SLC3A1: variants seen among roughly 807,000 people sequenced by gnomAD.
The protein encoded by SLC3A1 is solute carrier family 3 member 1.
Under a neutral mutation model 60.3 loss-of-function variants are expected in SLC3A1, and 78 were observed. The ratio of observed to expected loss-of-function variants is 1.29; its 90% CI spans 1.08 to 1.56. The LOEUF (loss-of-function observed/expected upper bound fraction) is 1.56, where lower values mean the gene tolerates loss of function less well. SLC3A1 is among the 40% of genes most tolerant of loss of function. The probability of loss-of-function intolerance (pLI) is 0.00; values close to 1 mark genes in which losing one functional copy is unlikely to be tolerated. For synonymous variants in SLC3A1, 392 were observed against 307.9 expected, an observed-to-expected ratio of 1.27 and a Z score of -2.86; for missense variants, 1,172 against 858.9, an observed-to-expected ratio of 1.36 and a Z score of -4.56.
intron 7 of SLC3A1, among the ~76,000 whole-genome samples, chr2:44,305,178 C>G (rs551027158): frequency 6.6e-6 from 1 of 152,162 alleles, no homozygotes; most frequent in South Asian, 2.1e-4. Context: ...CAGTGAAGAA[C>G]AGAAGATACA....
rs960414764 is a variant in SLC3A1 at position 44,300,197 on chromosome 2, T to A, written c.1011+107T>A. The A allele has an allele frequency of 2.6e-6, 3 of 1,152,942 alleles. No homozygotes were observed. In the South Asian group the frequency reaches 3.8e-5, roughly 15 times the overall value. The allele number at this position is 1,152,942 out of a possible 1,614,324, so 71.4% of individuals were successfully genotyped here. ...AGTTACAAAGATGAGTTTTGTCCTG[T>A]GTCTAGCAAGTACCCTGATTTATTT... On this transcript the variant is annotated intron_variant, in intron 5 of 9. Coordinates refer to ENST00000260649, the MANE Select transcript of SLC3A1 (RefSeq NM_000341.4).
chr2:44,300,924 T>A, intron 5 of SLC3A1, 79 bp from the exon 6 acceptor site: 1 of 1,568,910 alleles, frequency 6.4e-7, no homozygotes, highest in Non-Finnish European at 8.8e-7. Flanking sequence ...TTTGAAGAGG[T>A]TGTCTACATT....
chr2:44,314,480 C>G (rs1053543058), intron 9 of SLC3A1: 12 of 168,714 alleles, frequency 7.1e-5, no homozygotes, highest in Non-Finnish European at 1.4e-4. Flanking sequence ...TGATCAAGCA[C>G]TAATGTCATT....
Position 44,300,001 on chromosome 2 carries a change from G to T in SLC3A1, c.922G>T (p.Val308Phe). The T allele has an allele frequency of 1.2e-6, 2 of 1,614,064 alleles. No homozygotes were observed. Among genetic ancestry groups the T allele is most frequent in the Non-Finnish European group, 1.7e-6 (2 of 1,179,926 alleles). ...TTTACGGTTCTGGCTCACAAAGGGT[G>T]TTGATGGTTTTAGTTTGGATGCTGT... ...EILRFWLTKG[V>F]DGFSLDAVKF... The change falls in exon 5 of 10, where the codon GTT becomes TTT. Residue 308 changes from valine to phenylalanine, a missense_variant. By Grantham distance (50) the Val-to-Phe change is conservative. Transcript: ENST00000260649.
At position 44,304,217 on chromosome 2, in the gene SLC3A1, A is replaced by C. The variant is rs1467695460; in HGVS notation, c.1211A>C (p.Glu404Ala). 1.9e-6 allele frequency: 3 copies of C among 1,614,120 alleles called. No individual in the cohort carries two copies. Among genetic ancestry groups the C allele is most frequent in the South Asian group, 1.1e-5 (1 of 91,090 alleles). The stretch of plus-strand genomic sequence containing the variant: ...TACTATGGATTGCCATTTATCCAAG[A>C]AGCTGATTTTCCCTTCAACAATTAC... The part of the protein sequence containing the change: ...VMYYGLPFIQ[E>A]ADFPFNNYLS... Residue 404 changes from glutamate to alanine, a missense_variant, in exon 7 of 10, where the codon GAA becomes GCA. Transcript: ENST00000260649.
At chr2:44,304,640 A>C (rs1441869839) in intron 7 of SLC3A1, among the ~76,000 whole-genome samples, 1 of 152,082 alleles carries the variant, frequency 6.6e-6, no homozygotes, top group Non-Finnish European at 1.5e-5. Context: ...TTATGATGTC[A>C]ATGGGAAGAA....
intron 8 of SLC3A1, among the ~76,000 whole-genome samples, chr2:44,313,029 T>C (rs1260451525): frequency 6.6e-6 from 1 of 152,152 alleles, no homozygotes; most frequent in East Asian, 1.9e-4. Context: ...AATTTATTTA[T>C]TTATTTTGCC....
chr2:44,301,052 A>G lies in SLC3A1; in HGVS notation c.1061A>G (p.Gln354Arg). ...CTGTACCATGACTTCACCACCACGC[A>G]GGTGGGAATGCACGACATTGTCCGC... The part of the protein sequence containing the change: ...SELYHDFTTT[Q>R]VGMHDIVRSF... The change falls in exon 6 of 10, where the codon CAG (glutamine) becomes CGG (arginine). Residue 354 changes from glutamine to arginine, a missense_variant. By Grantham distance (43) the Gln-to-Arg change is conservative (BLOSUM62 1). Coordinates refer to ENST00000260649, the MANE Select transcript of SLC3A1 (RefSeq NM_000341.4). The G allele has an allele frequency of 1.2e-6, 2 of 1,614,096 alleles. No individual in the cohort carries two copies. The highest frequency in any genetic ancestry group is 1.7e-6 in the Non-Finnish European group (2 of 1,179,944).
intron 4 of SLC3A1, among the ~76,000 whole-genome samples, chr2:44,298,230 A>G (rs1256926572): frequency 3.3e-5 from 5 of 152,078 alleles, no homozygotes; most frequent in African/African-American, 1.2e-4. Context: ...CTGATTAAAA[A>G]TCCCTCCAGG....
intron 7 of SLC3A1, among the ~76,000 whole-genome samples, chr2:44,310,877 C>T (rs1672279506): frequency 6.6e-6 from 1 of 151,980 alleles, no homozygotes; most frequent in Non-Finnish European, 1.5e-5. Flanking sequence ...TGGCTCACTG[C>T]AACCTTGATG....
At position 44,300,092 on chromosome 2, in the gene SLC3A1, T is replaced by C. The variant is rs1558462060; in HGVS notation, c.1011+2T>C. 1 of 1,613,922 alleles carries C rather than the reference T, an allele frequency of 6.2e-7. No individual in the cohort carries two copies. ...CAAGTAAATAAGACCCAAATCCCGGTAAAGTTTTATTTTAAACGTTTTTCT... is the reference window on the plus strand; with the variant it reads ...CAAGTAAATAAGACCCAAATCCCGGCAAAGTTTTATTTTAAACGTTTTTCT... On this transcript the variant is annotated splice_donor_variant, in intron 5 of 9. Transcript: ENST00000260649. LOFTEE classifies it high-confidence loss of function.
intron 6 of SLC3A1, chr2:44,301,371 T>C (rs1672002389): frequency 4.9e-6 from 3 of 608,732 alleles, no homozygotes; most frequent in East Asian, 2.7e-5. Flanking sequence ...ACAGGAGTTT[T>C]GTGAAAATTA....
chr2:44,284,724 T>C (rs1671576368), intron 3 of SLC3A1, among the ~76,000 whole-genome samples: 1 of 151,976 alleles, frequency 6.6e-6, no homozygotes, highest in South Asian at 2.1e-4. Flanking sequence ...CCATCATGTG[T>C]GGCTGAGTTT....
intron 4 of SLC3A1, among the ~76,000 whole-genome samples, chr2:44,288,903 C>G (rs1007854468): frequency 6.6e-6 from 1 of 151,956 alleles, no homozygotes. Flanking sequence ...GGTGCAGTCT[C>G]GGCTCACTGC....
At chr2:44,278,317 G>A (rs772458076) in intron 1 of SLC3A1, among the ~76,000 whole-genome samples, 38 of 152,008 alleles carry the variant, frequency 2.5e-4, no homozygotes, top group African/African-American at 5.1e-4. Flanking sequence ...GCGTGGTGGC[G>A]GGTGCCTGTA....
At chr2:44,282,789 C>G (rs1336452934) in intron 3 of SLC3A1, among the ~76,000 whole-genome samples, 1 of 152,054 alleles carries the variant, frequency 6.6e-6, no homozygotes, top group East Asian at 1.9e-4. Flanking sequence ...TCCCAAGTAG[C>G]TGGGACCACA....
In SLC3A1 at chr2:44,286,115, T is replaced by C. The variant is rs1318300629; in HGVS notation, c.849T>C (p.Pro283=). ...CYFHQFMKEQ[P]DLNFRNPDVQ... is the part of the protein sequence containing the mutation. The stretch of plus-strand genomic sequence containing the variant: ...TTCATCAGTTTATGAAAGAGCAACC[T>C]GATTTAAATTTCCGCAATCCTGATG... The change falls in exon 4 of 10, where the codon CCT becomes CCC. Residue 283 remains proline (P), a synonymous_variant. Transcript: ENST00000260649. 1 of 1,614,060 alleles carries C rather than the reference T, an allele frequency of 6.2e-7. No individual in the cohort carries two copies. The highest frequency in any genetic ancestry group is 1.3e-5 in the African/African-American group (1 of 75,042).
intron 4 of SLC3A1, among the ~76,000 whole-genome samples, chr2:44,297,671 A>C (rs1175580676): frequency 6.6e-6 from 1 of 152,182 alleles, no homozygotes; most frequent in Non-Finnish European, 1.5e-5. Context: ...TTGGTCATTC[A>C]GGCTCAATAT....
At chr2:44,305,648 G>T (rs913667173) in intron 7 of SLC3A1, among the ~76,000 whole-genome samples, 6 of 151,666 alleles carry the variant, frequency 4.0e-5, no homozygotes. Context: ...GGCTGTTCTT[G>T]AACTCCTGAC....
Sources: gnomAD v4.1 joint callset for allele counts (sites outside exome capture counted in the v4.1 genomes callset) on GRCh38, gnomAD v4.1.1 for gene constraint, MANE v1.5 for transcripts, NCBI Gene and HGNC (gene_info 2026-07-23, HGNC 2026-07-21) for gene names.